The following HEATR4 variants were observed in gnomAD, a reference collection of about 807,000 sequenced individuals.
The protein encoded by HEATR4 is HEAT repeat-containing protein 4.
Under a neutral mutation model 108.8 loss-of-function variants are expected in HEATR4, and 95 were observed. The ratio of observed to expected loss-of-function variants is 0.87; its 90% CI spans 0.74 to 1.04. The LOEUF (loss-of-function observed/expected upper bound fraction) is 1.04. Ranked by LOEUF, HEATR4 falls within the 50% of genes least tolerant of loss-of-function variation. The pLI is 0.00. For synonymous variants in HEATR4, 443 were observed against 459.4 expected (o/e 0.96, Z 0.46); for missense variants, 1,152 against 1,253.8 (o/e 0.92, Z 1.23).
Position 73,492,196 on chromosome 14 carries a change from T to C in HEATR4, c.2844+870A>G, listed in dbSNP as rs920517839. Reference sequence around the variant, plus strand: ...CGGTGCTGCAGACCGTGCTGGAACCTGGAGATTTGCTGTATTTTCCTCGGG... The same window carrying C: ...CGGTGCTGCAGACCGTGCTGGAACCCGGAGATTTGCTGTATTTTCCTCGGG... On this transcript the variant is annotated intron_variant, in intron 17 of 17. Coordinates refer to ENST00000553558, the MANE Select transcript of HEATR4 (RefSeq NM_001220484.1). This position sits in a 1 kb window ranked among gnomAD's most constrained non-coding sequence, Gnocchi z 4.9. The C allele has an allele frequency of 6.2e-7, 1 of 1,613,942 alleles. No homozygotes were observed. The highest frequency in any genetic ancestry group is 1.7e-5 in the Admixed American group (1 of 60,004).
chr14:73,523,438 C>G (rs1435817796), intron 2 of HEATR4, among the ~76,000 whole-genome samples: 1 of 152,212 alleles, frequency 6.6e-6, no homozygotes, highest in Non-Finnish European at 1.5e-5. Flanking sequence ...GTTCCCAAAG[C>G]TCAGACCCTC....
At position 73,478,861 on chromosome 14, in the gene HEATR4, A is replaced by G; in HGVS notation, c.2845-19T>C. On this transcript the variant is annotated intron_variant, in intron 17 of 17. Transcript: ENST00000553558. ...TCACAGGCTGCAGAGAAACATGAAA[A>G]CATGAGTGCATATGCCAAACGTGTC... 6.3e-7 allele frequency: 1 copy of G among 1,575,938 alleles called. No homozygotes were observed. Among genetic ancestry groups the G allele is most frequent in the African/African-American group, 1.4e-5 (1 of 73,634 alleles).
At chr14:73,491,719 C>G in intron 17 of HEATR4, 1 of 1,551,374 alleles carries the variant, frequency 6.4e-7, no homozygotes, top group Non-Finnish European at 8.7e-7. Context: ...GGCGGCAGGA[C>G]CACACCTACT....
At chr14:73,632,360 TA>T in the HEATR4 span, among the ~76,000 whole-genome samples, 22 of 152,276 alleles carry the variant, frequency 1.4e-4, no homozygotes, top group African/African-American at 5.1e-4. Context: ...AAGGTCCTCT[TA>T]ACTCATTACC....
At chr14:73,578,871 G>A in the HEATR4 span, among the ~76,000 whole-genome samples, 1 of 151,806 alleles carries the variant, frequency 6.6e-6, no homozygotes, top group Non-Finnish European at 1.5e-5. Flanking sequence ...CAGTCACGAG[G>A]TCGGGAGATC....
the HEATR4 span, among the ~76,000 whole-genome samples, chr14:73,627,201 T>A: frequency 5.3e-5 from 8 of 151,886 alleles, no homozygotes; most frequent in Admixed American, 3.3e-4. Flanking sequence ...AGTCTATCCC[T>A]GGTGCAATTC....
At chr14:73,508,009 G>C in intron 9 of HEATR4, 125 bp downstream of exon 9, 1 of 872,408 alleles carries the variant, frequency 1.1e-6, no homozygotes, top group Non-Finnish European at 1.8e-6. Flanking sequence ...GCCTCCCGAA[G>C]TGTTGGGATT....
chr14:73,559,526 T>TA (rs773509130), upstream of HEATR4, among the ~76,000 whole-genome samples: 50 of 150,452 alleles, frequency 3.3e-4, no homozygotes, highest in Non-Finnish European at 7.0e-4. Context: ...GGTCAGGAGT[T>TA]AGAGACCAGC....
chr14:73,610,976 T>G, the HEATR4 span: 1 of 152,220 alleles, frequency 6.6e-6, no homozygotes, highest in Non-Finnish European at 1.5e-5. Context: ...CCAGGCAGCA[T>G]TCCTGAGCCT....
In HEATR4 at chr14:73,522,503, C is replaced by T. The variant is rs750502722; in HGVS notation, c.650G>A (p.Trp217Ter). Residue 217 changes from tryptophan to a stop codon, truncating the protein, a stop_gained, in exon 3 of 18, where the codon TGG (tryptophan) becomes TAG (stop). Transcript: ENST00000553558. LOFTEE classifies it high-confidence loss of function. ...LEKLNERTAR[W>*]IQSKRPRRPG... Reference sequence around the variant, plus strand: ...CCTTCGAGGACGCTTGCTCTGGATCCATCGGGCTGTGCGCTCGTTCAGCTT... The same window carrying T: ...CCTTCGAGGACGCTTGCTCTGGATCTATCGGGCTGTGCGCTCGTTCAGCTT... 6.2e-7 allele frequency: 1 copy of T among 1,614,210 alleles called. No individual in the cohort carries two copies. Among genetic ancestry groups the T allele is most frequent in the Non-Finnish European group, 8.5e-7 (1 of 1,180,028 alleles).
At chr14:73,623,032 C>T in the HEATR4 span, among the ~76,000 whole-genome samples, 1,000 of 152,170 alleles carry the variant, frequency 6.6e-3, 15 homozygotes, top group African/African-American at 0.023. Context: ...GCCTCAGCCT[C>T]CCTGTAGCTG....
At chr14:73,606,384 C>CAA in the HEATR4 span, among the ~76,000 whole-genome samples, 49 of 143,338 alleles carry the variant, frequency 3.4e-4, no homozygotes, top group Non-Finnish European at 1.7e-4. Flanking sequence ...CAAAACAAAA[C>CAA]AAAAAAAAAA....
chr14:73,506,816 T>TTTTTTTA (rs1886882312), intron 9 of HEATR4, among the ~76,000 whole-genome samples: 1 of 136,174 alleles, frequency 7.3e-6, no homozygotes, highest in Non-Finnish European at 1.5e-5. Flanking sequence ...TTTTTTTTTT[T>TTTTTTTA]TTTTTTTTTC....
the HEATR4 span, among the ~76,000 whole-genome samples, chr14:73,577,412 C>T: frequency 7.3e-6 from 1 of 136,776 alleles, no homozygotes; most frequent in Non-Finnish European, 1.6e-5. Context: ...CATGGAGCCC[C>T]ATTTAGAGTA....
rs1270012729 is a variant in HEATR4, at chr14:73,533,955, G to A, written c.-151-3711C>T. Among the ~76,000 whole-genome samples, 4 of 109,834 alleles carry A rather than the reference G, an allele frequency of 3.6e-5. 2 individuals carry two copies. Among genetic ancestry groups the A allele is most frequent in the Non-Finnish European group, 7.8e-5 (4 of 51,032 alleles). 72.1% of individuals were successfully genotyped at this position (109,834 alleles called of 152,430 possible). A position where few individuals can be genotyped will look rare whatever the true frequency, so the allele number is the denominator to read the frequency against. The stretch of plus-strand genomic sequence containing the variant: ...CAATCCCAGCACTTTGGGAAGATGA[G>A]GTGGTAGGGTCACTTGTTTGGGAAG... On this transcript the variant is annotated intron_variant, in intron 1 of 17. Coordinates refer to ENST00000553558, the MANE Select transcript of HEATR4 (RefSeq NM_001220484.1).
chr14:73,491,990 T>C, intron 17 of HEATR4: 1 of 1,613,946 alleles, frequency 6.2e-7, no homozygotes, highest in Non-Finnish European at 8.5e-7. Flanking sequence ...CATGGCAGGC[T>C]CCAACGTTTA....
the HEATR4 span, among the ~76,000 whole-genome samples, chr14:73,606,379 C>CAAAAAA: frequency 1.1e-5 from 1 of 87,036 alleles, no homozygotes; most frequent in African/African-American, 5.1e-5. Context: ...ACAAACAAAA[C>CAAAAAA]AAAACAAAAA....
chr14:73,569,823 G>A, the HEATR4 span: 42 of 1,600,178 alleles, frequency 2.6e-5, 1 homozygote, highest in African/African-American at 8.0e-5. Context: ...CCTCCCGCCC[G>A]GGGTGCGGCG....
the HEATR4 span, among the ~76,000 whole-genome samples, chr14:73,615,403 A>C: frequency 4.9e-5 from 4 of 82,202 alleles, no homozygotes; most frequent in African/African-American, 6.5e-5. Context: ...AAAAAAAAAA[A>C]AAAACAAAAA....
Sources: gnomAD v4.1 joint callset for allele counts (sites outside exome capture counted in the v4.1 genomes callset) on GRCh38, gnomAD v4.1.1 for gene constraint, Gnocchi (gnomAD v3.1) non-coding constraint, MANE v1.5 for transcripts, NCBI Gene and HGNC (gene_info 2026-07-23, HGNC 2026-07-21) for gene names.